Variants in RIPK4 observed in about 807,000 individuals in gnomAD.
The protein encoded by RIPK4 is receptor-interacting serine/threonine-protein kinase 4.
Under a neutral mutation model 42.9 loss-of-function variants are expected in RIPK4, and 17 were observed. That is an observed-to-expected ratio of 0.40 (90% CI 0.27 to 0.59). RIPK4 has a LOEUF of 0.59. Ranked by LOEUF, RIPK4 falls within the 20% of genes least tolerant of loss-of-function variation. RIPK4 has a pLI of 0.47. For missense variants in RIPK4, 897 were observed against 1,104.4 expected (o/e 0.81, Z 2.66); for synonymous variants, 498 against 499.1 (o/e 1.00, Z 0.03).
At position 41,755,437 on chromosome 21, in the gene RIPK4, G is replaced by A. The variant is rs999552406; in HGVS notation, c.474+1088C>T. On this transcript the variant is annotated intron_variant, in intron 2 of 7. Coordinates refer to ENST00000332512, the MANE Select transcript of RIPK4 (RefSeq NM_020639.3). This position sits in a 1 kb window ranked among gnomAD's most constrained non-coding sequence, Gnocchi z 4.2. The stretch of plus-strand genomic sequence containing the variant: ...TCCGCAGAGTCTGGGCACAGGGAGC[G>A]GCCGTGCGCATGCCATACGAGCCAC... Among the ~76,000 whole-genome samples, 4 of 152,172 alleles carry A rather than the reference G, an allele frequency of 2.6e-5. No homozygotes were observed. The highest frequency in any genetic ancestry group is 4.4e-5 in the Non-Finnish European group (3 of 68,016).
chr21:41,766,921 G>A lies in RIPK4; in HGVS notation c.121C>T (p.His41Tyr). The A allele has an allele frequency of 1.2e-6, 2 of 1,610,698 alleles. No homozygotes were observed. Among genetic ancestry groups the A allele is most frequent in the Non-Finnish European group, 1.7e-6 (2 of 1,178,844 alleles). ...GCCAGCCAGGTCTTCCAGTGGACAT[G>A]GCGCACCTTGTACACCTGCCCGAAG... ...GGFGQVYKVR[H>Y]VHWKTWLAIK... The change falls in exon 1 of 8, where the codon CAT becomes TAT. Residue 41 changes from histidine (H) to tyrosine (Y), a missense_variant. By Grantham distance (83) the His-to-Tyr change is moderately conservative. Coordinates refer to ENST00000332512, the MANE Select transcript of RIPK4 (RefSeq NM_020639.3).
chr21:41,762,975 A>C (rs1197907238), intron 1 of RIPK4, among the ~76,000 whole-genome samples: 1 of 152,078 alleles, frequency 6.6e-6, no homozygotes, highest in African/African-American at 2.4e-5. Context: ...ACACAACCTA[A>C]AAACTGTGCC....
At chr21:41,763,406 C>T (rs2061226720) in intron 1 of RIPK4, among the ~76,000 whole-genome samples, 1 of 152,110 alleles carries the variant, frequency 6.6e-6, no homozygotes, top group African/African-American at 2.4e-5. Flanking sequence ...TGGACCAGGC[C>T]AGCTGCGGTT....
intron 1 of RIPK4, among the ~76,000 whole-genome samples, chr21:41,762,907 A>C (rs1016209080): frequency 1.3e-5 from 2 of 152,210 alleles, no homozygotes; most frequent in Non-Finnish European, 2.9e-5. Flanking sequence ...CTTACTGTTG[A>C]CAGTGAAGTC....
intron 2 of RIPK4, among the ~76,000 whole-genome samples, chr21:41,752,774 G>A (rs2061192276): frequency 6.6e-6 from 1 of 152,164 alleles, no homozygotes; most frequent in Non-Finnish European, 1.5e-5. Flanking sequence ...GCTGAACAAT[G>A]AGAACACATG....
intron 1 of RIPK4, among the ~76,000 whole-genome samples, chr21:41,759,595 C>T (rs1336718498): frequency 6.6e-6 from 1 of 152,208 alleles, no homozygotes; most frequent in Non-Finnish European, 1.5e-5. Context: ...CCAGTGTCCG[C>T]TGCCACAGCA....
intron 1 of RIPK4, 110 bp downstream of exon 1, chr21:41,766,750 G>C: frequency 8.5e-7 from 1 of 1,178,130 alleles, no homozygotes; most frequent in Non-Finnish European, 1.2e-6. Context: ...CCCCGAAGCT[G>C]CTCCGGGGGT....
intron 4 of RIPK4, 134 bp from the exon 5 acceptor site, chr21:41,746,905 C>A (rs543708665): frequency 1.1e-5 from 11 of 967,122 alleles, no homozygotes; most frequent in South Asian, 3.2e-5. Context: ...ACGGCTCCCC[C>A]ACTCCGTTTC....
intron 6 of RIPK4, 80 bp downstream of exon 6, chr21:41,745,679 A>T: frequency 2.9e-6 from 3 of 1,029,962 alleles, no homozygotes; most frequent in Non-Finnish European, 4.5e-6. Context: ...GCGGCGGGGG[A>T]CTCTGCAAAG....
At chr21:41,758,030 A>ATG (rs2061209949) in intron 1 of RIPK4, among the ~76,000 whole-genome samples, 4 of 108,384 alleles carry the variant, frequency 3.7e-5, no homozygotes, top group African/African-American at 1.9e-4. Context: ...AAATATATAT[A>ATG]TATATATATA....
rs1038630458 is a variant in RIPK4, at chr21:41,740,635, G to A, written c.*203C>T. ...CAGGTGCCTAGATCGATGATGGAGC[G>A]GGCATGTGCACCTGAGCCAGCTTCA... On this transcript the variant is annotated 3_prime_UTR_variant, in exon 8 of 8. Coordinates refer to ENST00000332512, the MANE Select transcript of RIPK4 (RefSeq NM_020639.3). 1.5e-5 allele frequency: 9 copies of A among 580,918 alleles called. No individual in the cohort carries two copies. The highest frequency in any genetic ancestry group is 8.7e-5 in the East Asian group (3 of 34,612). 36.0% of individuals were successfully genotyped at this position (580,918 alleles called of 1,614,324 possible).
intron 2 of RIPK4, among the ~76,000 whole-genome samples, chr21:41,753,623 G>C (rs1406669776): frequency 6.6e-6 from 1 of 152,134 alleles, no homozygotes; most frequent in Non-Finnish European, 1.5e-5. Flanking sequence ...ACTCTGACCA[G>C]CAAATGCTTC....
At chr21:41,749,915 GA>G (rs1458664880) in intron 3 of RIPK4, among the ~76,000 whole-genome samples, 1 of 123,026 alleles carries the variant, frequency 8.1e-6, no homozygotes, top group East Asian at 2.4e-4. Context: ...AAAAAGAAAA[GA>G]AAAACAGAAG....
At chr21:41,744,638 G>A (rs1462389706) in intron 6 of RIPK4, among the ~76,000 whole-genome samples, 1 of 152,270 alleles carries the variant, frequency 6.6e-6, no homozygotes, top group Non-Finnish European at 1.5e-5. Flanking sequence ...TCAAGCTGCA[G>A]AATGTGAGGC....
In RIPK4 at chr21:41,744,092, C is replaced by CGTT. The variant is rs1569100314; in HGVS notation, c.982_984dup (p.Asn328dup). ...GAGAGCAGCTCGGAGAGGCTGTAGT[C>CGTT]GTTATCGAAGGTGGGGGCAGAGGCC... On this transcript the variant is annotated inframe_insertion, in exon 7 of 8. Coordinates refer to ENST00000332512, the MANE Select transcript of RIPK4 (RefSeq NM_020639.3). 1 of 1,608,882 alleles carries CGTT rather than the reference C, an allele frequency of 6.2e-7. No homozygotes were observed. The highest frequency in any genetic ancestry group is 1.7e-5 in the Admixed American group (1 of 59,754).
rs769189331 is a variant in RIPK4 at position 41,741,181 on chromosome 21, T to C, written c.2012A>G (p.Tyr671Cys). Residue 671 changes from tyrosine (Y) to cysteine (C), a missense_variant, in exon 8 of 8, where the codon TAC (tyrosine) becomes TGC (cysteine). Coordinates refer to ENST00000332512, the MANE Select transcript of RIPK4 (RefSeq NM_020639.3). ...GCGGGCAGCCAGGTGCAGAGCGGTG[T>C]AGCCGTCTGAGGTCATGGCCTCCTT... ...AGKEAMTSDG[Y>C]TALHLAARNG... 2.0e-5 allele frequency: 32 copies of C among 1,611,980 alleles called. No individual in the cohort carries two copies. The highest frequency in any genetic ancestry group is 2.4e-5 in the Non-Finnish European group (28 of 1,179,512).
chr21:41,751,023 C>A lies in RIPK4; in HGVS notation c.623+74G>T. The A allele has an allele frequency of 6.5e-7, 1 of 1,532,406 alleles. No individual in the cohort carries two copies. The highest frequency in any genetic ancestry group is 8.8e-7 in the Non-Finnish European group (1 of 1,134,964). 94.9% of individuals were successfully genotyped at this position (1,532,406 alleles called of 1,614,324 possible). On this transcript the variant is annotated intron_variant, in intron 3 of 7. Coordinates refer to ENST00000332512, the MANE Select transcript of RIPK4 (RefSeq NM_020639.3). This position sits in a 1 kb window ranked among gnomAD's most constrained non-coding sequence, Gnocchi z 4.5. ...CAGCAAGAGGCCTTTCTGAAAGCTG[C>A]AGCTCAGGGCATGAAGCATTGAGGT... is the stretch of plus-strand genomic sequence containing the variant.
chr21:41,754,373 T>A (rs1249349874), intron 2 of RIPK4, among the ~76,000 whole-genome samples: 1 of 152,200 alleles, frequency 6.6e-6, no homozygotes, highest in Non-Finnish European at 1.5e-5. Flanking sequence ...GTGACTAACA[T>A]GCCTGATTAA....
chr21:41,758,735 G>A (rs2061212347), intron 1 of RIPK4, among the ~76,000 whole-genome samples: 1 of 152,234 alleles, frequency 6.6e-6, no homozygotes, highest in Non-Finnish European at 1.5e-5. Context: ...CACTTCAAAG[G>A]GGAGAGGAGT....
Sources: allele counts gnomAD v4.1 joint callset (sites outside exome capture counted in the v4.1 genomes callset), GRCh38; gene constraint gnomAD v4.1.1; non-coding constraint Gnocchi (gnomAD v3.1); transcripts MANE v1.5; gene names NCBI Gene and HGNC (gene_info 2026-07-23, HGNC 2026-07-21).